The following LRFN5 variants were observed in gnomAD, a reference collection of about 807,000 sequenced individuals.
LRFN5 encodes the protein leucine rich repeat and fibronectin type III domain containing 5.
Under a neutral mutation model 45.6 loss-of-function variants are expected in LRFN5, and 24 were observed. The observed-to-expected ratio is 0.53, with a 90% CI of 0.38 to 0.74. LRFN5 has a LOEUF of 0.74. Ranked by LOEUF, LRFN5 falls within the 30% of genes least tolerant of loss-of-function variation. The pLI is 0.00. For synonymous variants in LRFN5, 340 were observed against 313.8 expected (o/e 1.08, Z -0.88); for missense variants, 776 against 861.5 (o/e 0.90, Z 1.24).
At chr14:41,729,312 GCT>G (rs1884069291) in intron 1 of LRFN5, among the ~76,000 whole-genome samples, 3 of 151,900 alleles carry the variant, frequency 2.0e-5, no homozygotes, top group Admixed American at 2.0e-4. Flanking sequence ...TCTCTCTCTT[GCT>G]CCCATTCTTG....
At chr14:41,795,065 G>A (rs944750003) in intron 2 of LRFN5, among the ~76,000 whole-genome samples, 4 of 151,874 alleles carry the variant, frequency 2.6e-5, no homozygotes, top group Non-Finnish European at 1.5e-5. Context: ...GGCTGTAAAT[G>A]TTTGGCAGCT....
At chr14:41,805,193 G>A (rs151054518) in intron 2 of LRFN5, among the ~76,000 whole-genome samples, 71 of 150,788 alleles carry the variant, frequency 4.7e-4, no homozygotes, top group African/African-American at 1.7e-3. Context: ...TTGGATGTCA[G>A]CAAATGTCTG....
intron 2 of LRFN5, among the ~76,000 whole-genome samples, chr14:41,779,581 C>T (rs1250938736): frequency 6.6e-6 from 1 of 151,730 alleles, no homozygotes; most frequent in African/African-American, 2.4e-5. Flanking sequence ...GTAGAATTTG[C>T]CAGTGAAATA....
rs1890598238 is a variant in LRFN5 at position 41,887,044 on chromosome 14, C to T, written c.419C>T (p.Ser140Phe). Reference protein sequence around the residue: ...LNNNQLTLISSTAFDDVFALE... With the variant: ...LNNNQLTLISFTAFDDVFALE... ...AACAATCAGCTGACTTTAATTTCCT[C>T]TACAGCGTTTGATGATGTCTTCGCC... is the stretch of plus-strand genomic sequence containing the variant. Residue 140 changes from serine (S) to phenylalanine (F), a missense_variant, in exon 3 of 6, where the codon TCT becomes TTT. Physicochemically the swap from Ser to Phe is radical, Grantham distance 155. Coordinates refer to ENST00000298119, the MANE Select transcript of LRFN5 (RefSeq NM_152447.5). This position sits in a 1 kb window ranked among gnomAD's most constrained non-coding sequence, Gnocchi z 4.8. 1 of 1,614,030 alleles carries T rather than the reference C, an allele frequency of 6.2e-7. No individual in the cohort carries two copies. Among genetic ancestry groups the T allele is most frequent in the African/African-American group, 1.3e-5 (1 of 74,940 alleles).
chr14:41,746,021 G>A (rs1268532140), intron 1 of LRFN5, among the ~76,000 whole-genome samples: 7 of 151,962 alleles, frequency 4.6e-5, no homozygotes, highest in African/African-American at 1.7e-4. Flanking sequence ...CATTACCCTG[G>A]TAGCAAAGTC....
At chr14:41,710,299 A>G (rs912479657) in intron 1 of LRFN5, among the ~76,000 whole-genome samples, 1 of 152,142 alleles carries the variant, frequency 6.6e-6, no homozygotes, top group Admixed American at 6.5e-5. Flanking sequence ...AAAGGACTTC[A>G]AATTAATGAA....
intron 2 of LRFN5, among the ~76,000 whole-genome samples, chr14:41,824,356 G>T (rs753316312): frequency 6.6e-6 from 1 of 152,164 alleles, no homozygotes; most frequent in Non-Finnish European, 1.5e-5. Flanking sequence ...AGGGTGTGTA[G>T]GTTGTATATT....
chr14:41,792,277 G>A (rs1039951349), intron 2 of LRFN5, among the ~76,000 whole-genome samples: 4 of 152,028 alleles, frequency 2.6e-5, no homozygotes, highest in Admixed American at 1.3e-4. Flanking sequence ...GGAACAGGAC[G>A]AAAGGCAAAA....
At chr14:41,716,798 C>T (rs532338909) in intron 1 of LRFN5, among the ~76,000 whole-genome samples, 6 of 152,178 alleles carry the variant, frequency 3.9e-5, no homozygotes, top group Non-Finnish European at 5.9e-5. Flanking sequence ...AGCAGCACCC[C>T]ACTCTACTGG....
chr14:41,628,490 G>C (rs1888418640), intron 1 of LRFN5, among the ~76,000 whole-genome samples: 1 of 152,068 alleles, frequency 6.6e-6, no homozygotes, highest in African/African-American at 2.4e-5. Flanking sequence ...TGTAGTTCTA[G>C]CTGCTTGGGA....
At chr14:41,857,027 C>A (rs1889496299) in intron 2 of LRFN5, among the ~76,000 whole-genome samples, 1 of 152,028 alleles carries the variant, frequency 6.6e-6, no homozygotes, top group African/African-American at 2.4e-5. Flanking sequence ...ATCTAAGAAC[C>A]TTTTAAGTGT....
chr14:41,897,149 G>A (rs1431671952), intron 4 of LRFN5, among the ~76,000 whole-genome samples: 1 of 150,766 alleles, frequency 6.6e-6, no homozygotes, highest in Non-Finnish European at 1.5e-5. Flanking sequence ...AAAATAGAGT[G>A]GTAAGCATAT....
chr14:41,878,637 C>G (rs948215953), intron 2 of LRFN5, among the ~76,000 whole-genome samples: 12 of 152,092 alleles, frequency 7.9e-5, no homozygotes, highest in African/African-American at 2.4e-4. Context: ...AAATGCATCA[C>G]TATTTGCCGA....
At chr14:41,843,015 G>A (rs1440941190) in intron 2 of LRFN5, among the ~76,000 whole-genome samples, 1 of 149,900 alleles carries the variant, frequency 6.7e-6, no homozygotes, top group African/African-American at 2.5e-5. Context: ...TTCTTTTTGA[G>A]ATATAGGTGT....
intron 1 of LRFN5, among the ~76,000 whole-genome samples, chr14:41,683,081 T>C (rs781019755): frequency 6.3e-4 from 96 of 152,290 alleles, no homozygotes; most frequent in Non-Finnish European, 3.2e-4. Context: ...AACAACATTT[T>C]AGCAAATCAA....
At chr14:41,658,135 C>T (rs1201752305) in intron 1 of LRFN5, among the ~76,000 whole-genome samples, 5 of 151,828 alleles carry the variant, frequency 3.3e-5, no homozygotes, top group Non-Finnish European at 5.9e-5. Flanking sequence ...AGTCATGTTA[C>T]AGGAATTAGT....
intron 1 of LRFN5, among the ~76,000 whole-genome samples, chr14:41,691,897 A>T (rs550430894): frequency 6.6e-6 from 1 of 152,212 alleles, no homozygotes; most frequent in African/African-American, 2.4e-5. Flanking sequence ...ATTAGTGTAT[A>T]TATCAGTATT....
chr14:41,822,182 T>TTTA (rs1888138328), intron 2 of LRFN5, among the ~76,000 whole-genome samples: 1 of 152,018 alleles, frequency 6.6e-6, no homozygotes, highest in South Asian at 2.1e-4. Context: ...CTTTGTTATA[T>TTTA]CTTTTCTTCC....
chr14:41,708,434 T>C (rs988377227), intron 1 of LRFN5, among the ~76,000 whole-genome samples: 5 of 151,990 alleles, frequency 3.3e-5, no homozygotes, highest in Non-Finnish European at 5.9e-5. Flanking sequence ...AAAACAAACC[T>C]GTGATACTAT....
Sources: allele counts gnomAD v4.1 joint callset (sites outside exome capture counted in the v4.1 genomes callset), GRCh38; gene constraint gnomAD v4.1.1; non-coding constraint Gnocchi (gnomAD v3.1); transcripts MANE v1.5; gene names NCBI Gene and HGNC (gene_info 2026-07-23, HGNC 2026-07-21).